FOLH1: variants seen among roughly 807,000 people sequenced by gnomAD.
FOLH1 encodes glutamate carboxypeptidase 2.
In FOLH1, 54 loss-of-function variants were observed where a neutral mutation model predicts 93.9. The ratio of observed to expected loss-of-function variants is 0.57; its 90% CI spans 0.46 to 0.72. The LOEUF is 0.72. Among genes scored for constraint, FOLH1 ranks in the 30% least tolerant of loss-of-function variants. The pLI, the probability that FOLH1 is intolerant of heterozygous loss-of-function variation, is 0.00. For missense variants in FOLH1, 571 were observed against 892.5 expected (o/e 0.64, Z 4.59); for synonymous variants, 249 against 303.6 (o/e 0.82, Z 1.87).
chr11:49,163,501 G>A (rs1590476473), intron 13 of FOLH1, among the ~76,000 whole-genome samples: 1 of 28,902 alleles, frequency 3.5e-5, no homozygotes, highest in East Asian at 1.2e-3. Context: ...CCACCTCCCT[G>A]CCCCCCACCA....
Position 49,173,463 on chromosome 11 carries a change from A to G in FOLH1, c.1119T>C (p.Ile373=), listed in dbSNP as rs774787551. Residue 373 remains isoleucine, a synonymous_variant, in exon 10 of 19, where the codon ATT becomes ATC. Transcript: ENST00000256999. ...CCCATGAGTCCCGGTGACCTCCCAG[A>G]ATGACATATCTGTCTAGAAAGCATA... ...RGAVEPDRYV[I]LGGHRDSWVF... The G allele has an allele frequency of 1.9e-6, 3 of 1,607,060 alleles. No homozygotes were observed. The Admixed American group carries it at 5.0e-5, about 27-fold the overall frequency.
At chr11:49,167,312 A>G (rs1858530069) in intron 12 of FOLH1, among the ~76,000 whole-genome samples, 1 of 152,158 alleles carries the variant, frequency 6.6e-6, no homozygotes, top group Admixed American at 6.5e-5. Context: ...GAGCTCTTAG[A>G]AGTTATATTT....
rs369456369 is a variant in FOLH1 at position 49,164,688 on chromosome 11, T to C, written c.1440+17A>G. 1.0e-5 allele frequency: 16 copies of C among 1,552,088 alleles called. No individual in the cohort carries two copies. Among genetic ancestry groups the C allele is most frequent in the Admixed American group, 3.5e-5 (2 of 56,548 alleles). On this transcript the variant is annotated intron_variant, in intron 13 of 18. Coordinates refer to ENST00000256999, the MANE Select transcript of FOLH1 (RefSeq NM_004476.3). ...TTGTAGAATTTGGGTTTTCTTAAAT[T>C]ATATGTAATTATATACCTCTTTTGT...
intron 11 of FOLH1, among the ~76,000 whole-genome samples, chr11:49,169,843 G>A (rs1859007346): frequency 6.6e-6 from 1 of 152,146 alleles, no homozygotes; most frequent in Admixed American, 6.5e-5. Flanking sequence ...AGATATCAAT[G>A]TGAATTCTGA....
intron 12 of FOLH1, among the ~76,000 whole-genome samples, chr11:49,168,044 C>CTT (rs11345881): frequency 9.6e-4 from 133 of 138,352 alleles, no homozygotes; most frequent in South Asian, 4.3e-3. Flanking sequence ...TCATTTAGTC[C>CTT]TTTTTTTTTT....
chr11:49,195,642 G>C (rs1862536630), intron 3 of FOLH1, among the ~76,000 whole-genome samples: 1 of 151,706 alleles, frequency 6.6e-6, no homozygotes, highest in Non-Finnish European at 1.5e-5. Flanking sequence ...GGATACACTA[G>C]TAAATTTGAC....
chr11:49,188,481 C>T (rs1215601119), intron 4 of FOLH1, among the ~76,000 whole-genome samples: 1 of 146,570 alleles, frequency 6.8e-6, no homozygotes, highest in Admixed American at 6.9e-5. Context: ...CCACTGCACT[C>T]CAGCCCGGGC....
intron 3 of FOLH1, among the ~76,000 whole-genome samples, chr11:49,196,130 G>A (rs1052608073): frequency 2.3e-4 from 35 of 152,078 alleles, no homozygotes; most frequent in Non-Finnish European, 3.8e-4. Flanking sequence ...CTCCAGCCTG[G>A]GTGACAGAGT....
At chr11:49,192,388 G>A (rs1484196361) in intron 4 of FOLH1, among the ~76,000 whole-genome samples, 1 of 152,122 alleles carries the variant, frequency 6.6e-6, no homozygotes, top group African/African-American at 2.4e-5. Context: ...TGAAAAATTA[G>A]AATAGGCAAA....
intron 3 of FOLH1, among the ~76,000 whole-genome samples, chr11:49,197,473 CAT>C: frequency 6.6e-6 from 1 of 152,174 alleles, no homozygotes; most frequent in Admixed American, 6.5e-5. Flanking sequence ...CATTTTGTGA[CAT>C]AAAAAAGTCA....
intron 17 of FOLH1, among the ~76,000 whole-genome samples, chr11:49,153,407 T>C (rs973624420): frequency 6.6e-6 from 1 of 151,092 alleles, no homozygotes; most frequent in African/African-American, 2.4e-5. Flanking sequence ...AAATAAATAG[T>C]CTGGCTGAGT....
At chr11:49,163,965 G>C (rs1354410911) in intron 13 of FOLH1, among the ~76,000 whole-genome samples, 1 of 152,104 alleles carries the variant, frequency 6.6e-6, no homozygotes, top group Admixed American at 6.5e-5. Context: ...ATTCCCAGGT[G>C]GGCCATCGTC....
chr11:49,163,322 A>T (rs1362620311), intron 13 of FOLH1, among the ~76,000 whole-genome samples: 1 of 152,066 alleles, frequency 6.6e-6, no homozygotes, highest in African/African-American at 2.4e-5. Flanking sequence ...TTGATGAGGA[A>T]CGTAGTTGGG....
chr11:49,193,667 G>GA (rs200332574), intron 3 of FOLH1, among the ~76,000 whole-genome samples: 6 of 151,152 alleles, frequency 4.0e-5, no homozygotes, highest in Admixed American at 1.3e-4. Flanking sequence ...AATTAAATTG[G>GA]AAAAAAAATA....
intron 7 of FOLH1, among the ~76,000 whole-genome samples, chr11:49,181,357 G>A (rs1463204355): frequency 1.3e-5 from 2 of 151,762 alleles, no homozygotes; most frequent in African/African-American, 4.8e-5. Flanking sequence ...TGATCTGCTC[G>A]CCTCGGCCTC....
intron 12 of FOLH1, among the ~76,000 whole-genome samples, chr11:49,168,345 T>C (rs1858715168): frequency 6.6e-6 from 1 of 152,078 alleles, no homozygotes; most frequent in Non-Finnish European, 1.5e-5. Context: ...GGTCAAGATA[T>C]AGATATATTA....
intron 3 of FOLH1, among the ~76,000 whole-genome samples, chr11:49,199,450 C>G (rs2135305906): frequency 6.6e-6 from 1 of 152,296 alleles, no homozygotes; most frequent in East Asian, 1.9e-4. Context: ...AACTTGTCCT[C>G]TCCAAATGTC....
At chr11:49,198,276 T>C (rs1177748052) in intron 3 of FOLH1, among the ~76,000 whole-genome samples, 19 of 151,714 alleles carry the variant, frequency 1.3e-4, no homozygotes, top group African/African-American at 3.9e-4. Context: ...GGTCAGCAGA[T>C]CGAGACCATC....
At chr11:49,180,519 T>G (rs778427344) in intron 7 of FOLH1, among the ~76,000 whole-genome samples, 1 of 152,208 alleles carries the variant, frequency 6.6e-6, no homozygotes, top group Non-Finnish European at 1.5e-5. Flanking sequence ...TGACTTTATA[T>G]CTCTCCTCAT....
Sources: allele counts gnomAD v4.1 joint callset (sites outside exome capture counted in the v4.1 genomes callset), GRCh38; gene constraint gnomAD v4.1.1; transcripts MANE v1.5; gene names NCBI Gene and HGNC (gene_info 2026-07-23, HGNC 2026-07-21).